CDC25C: variants seen among roughly 807,000 people sequenced by gnomAD.
CDC25C encodes the protein cell division cycle 25C.
Under a neutral mutation model 52.5 loss-of-function variants are expected in CDC25C, and 48 were observed. The observed-to-expected ratio is 0.91, with a 90% CI of 0.72 to 1.16. CDC25C has a LOEUF of 1.16. Ranked by LOEUF, CDC25C falls within the 50% of genes most tolerant of loss-of-function variation. The pLI, the probability that CDC25C is intolerant of heterozygous loss-of-function variation, is 0.00. For missense variants in CDC25C, 510 were observed against 566.1 expected, an observed-to-expected ratio of 0.90 and a Z score of 1.01; for synonymous variants, 187 against 206.5, an observed-to-expected ratio of 0.91 and a Z score of 0.81.
chr5:138,286,200 C>T (rs991453429), intron 12 of CDC25C, 67 bp from the exon 13 acceptor site: 1 of 1,230,358 alleles, frequency 8.1e-7, no homozygotes. Context: ...GGGCCATTCA[C>T]TGGGGAGGGG....
intron 2 of CDC25C, 23 bp from the exon 3 acceptor site, chr5:138,329,670 C>T (rs200325444): frequency 3.9e-6 from 5 of 1,287,884 alleles, no homozygotes; most frequent in African/African-American, 1.5e-5. Flanking sequence ...AATAGTACAT[C>T]GAAATTCCCA....
At chr5:138,322,997 C>CT (rs1249283966) in intron 6 of CDC25C, among the ~76,000 whole-genome samples, 1 of 151,514 alleles carries the variant, frequency 6.6e-6, no homozygotes, top group Non-Finnish European at 1.5e-5. Context: ...TGTCCATTCA[C>CT]TGCACTGGAG....
chr5:138,334,368 CT>C (rs989312345), upstream of CDC25C, among the ~76,000 whole-genome samples: 65 of 147,982 alleles, frequency 4.4e-4, no homozygotes, highest in South Asian at 1.1e-3. Context: ...AACAAAAAAA[CT>C]TTTTTTTTTT....
chr5:138,286,540 T>C lies in CDC25C; in HGVS notation c.1117A>G (p.Ile373Val), dbSNP rs368247596. 3.7e-6 allele frequency: 6 copies of C among 1,613,902 alleles called. No individual in the cohort carries two copies. In the African/African-American group the frequency reaches 6.7e-5, roughly 18 times the overall value. ...VPLDTQKRII[I>V]VFHCEFSSER... is the part of the protein sequence containing the mutation. ...GAGGAGAATTCACAGTGGAACACGATGATTATTCTCTTCTGGGTGTCCAAA... is the reference window on the plus strand; with the variant it reads ...GAGGAGAATTCACAGTGGAACACGACGATTATTCTCTTCTGGGTGTCCAAA... Residue 373 changes from isoleucine to valine, a missense_variant, in exon 12 of 14, where the codon ATC (isoleucine) becomes GTC (valine). Transcript: ENST00000323760.
At chr5:138,294,274 C>A (rs1269513037) in intron 7 of CDC25C, among the ~76,000 whole-genome samples, 1 of 151,584 alleles carries the variant, frequency 6.6e-6, no homozygotes, top group Admixed American at 6.6e-5. Context: ...TCATTGCAAC[C>A]TCTACCTCCC....
intron 7 of CDC25C, among the ~76,000 whole-genome samples, chr5:138,318,923 G>A (rs1759119013): frequency 6.6e-6 from 1 of 152,108 alleles, no homozygotes; most frequent in Admixed American, 6.6e-5. Flanking sequence ...TCAACCACAA[G>A]CAATCAACTG....
upstream of CDC25C, chr5:138,332,092 A>G (rs1760442419): frequency 6.1e-6 from 1 of 162,682 alleles, no homozygotes; most frequent in Non-Finnish European, 1.3e-5. Context: ...CCCTCTCACC[A>G]ATCTCCACAC....
chr5:138,315,675 T>C (rs1449228327), intron 7 of CDC25C, among the ~76,000 whole-genome samples: 3 of 152,232 alleles, frequency 2.0e-5, no homozygotes, highest in African/African-American at 7.2e-5. Flanking sequence ...GGTAGTTGTT[T>C]TATCATGCTC....
At chr5:138,335,875 TAATTA>T (rs1255165580), upstream of CDC25C, among the ~76,000 whole-genome samples, 7 of 151,456 alleles carry the variant, frequency 4.6e-5, no homozygotes, top group Admixed American at 6.6e-5. Flanking sequence ...TAATTCATAA[TAATTA>T]AATTATTAAT....
chr5:138,332,926 C>G (rs1760498966), upstream of CDC25C, among the ~76,000 whole-genome samples: 1 of 152,136 alleles, frequency 6.6e-6, no homozygotes, highest in Non-Finnish European at 1.5e-5. Flanking sequence ...AAGATTGACC[C>G]TGACTGTTGA....
chr5:138,291,931 TAGA>T, intron 8 of CDC25C, 36 bp downstream of exon 8: 2 of 1,566,404 alleles, frequency 1.3e-6, no homozygotes, highest in Non-Finnish European at 1.7e-6. Context: ...AGACATGAGA[TAGA>T]AGATGAACAA....
In CDC25C at chr5:138,329,659, T is replaced by C; in HGVS notation, c.195-12A>G. The C allele has an allele frequency of 1.4e-6, 2 of 1,449,294 alleles. No homozygotes were observed. The highest frequency in any genetic ancestry group is 1.9e-6 in the Non-Finnish European group (2 of 1,035,500). 89.8% of individuals were successfully genotyped at this position (1,449,294 alleles called of 1,614,324 possible). A position where few individuals can be genotyped will look rare whatever the true frequency, so the allele number is the denominator to read the frequency against. On this transcript the variant is annotated splice_polypyrimidine_tract_variant and intron_variant, in intron 2 of 13. Transcript: ENST00000323760. The stretch of plus-strand genomic sequence containing the variant: ...GTTTTGGGGTTCCTCTGTTGAGACA[T>C]AATAGTACATCGAAATTCCCATTAG...
chr5:138,289,665 CCA>C (rs1394094961), intron 9 of CDC25C, 102 bp from the exon 10 acceptor site: 1 of 865,868 alleles, frequency 1.2e-6, no homozygotes. Context: ...CCTTAAAACC[CCA>C]GAGGCCTTCA....
At chr5:138,316,641 T>C (rs1208368611) in intron 7 of CDC25C, among the ~76,000 whole-genome samples, 1 of 151,882 alleles carries the variant, frequency 6.6e-6, no homozygotes, top group East Asian at 1.9e-4. Flanking sequence ...CCCTCTGAGG[T>C]CCATAAAAGG....
chr5:138,286,183 A>T (rs909983330), intron 12 of CDC25C, 50 bp from the exon 13 acceptor site: 8 of 1,406,708 alleles, frequency 5.7e-6, no homozygotes, highest in Non-Finnish European at 8.0e-6. Context: ...CAAGGTCAGG[A>T]TCCCAGGGGC....
In CDC25C at chr5:138,318,171, T is replaced by C. The variant is rs11567979; in HGVS notation, c.615+1048A>G. 7.9e-4 allele frequency among the ~76,000 whole-genome samples: 119 copies of C among 151,122 alleles called. 1 individual carries two copies. Among genetic ancestry groups the C allele is most frequent in the African/African-American group, 2.7e-3 (111 of 41,140 alleles). The stretch of plus-strand genomic sequence containing the variant: ...TGGCAAAACCCCGTCTCTACTAAAA[T>C]TACAAAAAATTAGCCAGGCATGATG... On this transcript the variant is annotated intron_variant, in intron 7 of 13. Coordinates refer to ENST00000323760, the MANE Select transcript of CDC25C (RefSeq NM_001790.5).
chr5:138,334,265 C>T (rs184567025), upstream of CDC25C, among the ~76,000 whole-genome samples: 51 of 151,778 alleles, frequency 3.4e-4, no homozygotes, highest in East Asian at 9.8e-4. Flanking sequence ...TGCAGTGGTG[C>T]GCCTGTAGTC....
At chr5:138,287,618 C>T (rs1475603671) in intron 10 of CDC25C, among the ~76,000 whole-genome samples, 1 of 152,108 alleles carries the variant, frequency 6.6e-6, no homozygotes, top group Non-Finnish European at 1.5e-5. Context: ...GGAAGAAATG[C>T]AAAATGGTTC....
rs1235817447 is a variant in CDC25C, at chr5:138,329,427, C to CA, written c.289+125dup. On this transcript the variant is annotated intron_variant, in intron 3 of 13. Coordinates refer to ENST00000323760, the MANE Select transcript of CDC25C (RefSeq NM_001790.5). ...TTCTCAAAAATCCTCTAGTTACCCA[C>CA]AAAATTCCATCTCTCTAGGCAGATT... The CA allele has an allele frequency of 4.7e-6, 3 of 636,598 alleles. No homozygotes were observed. In the African/African-American group the frequency reaches 5.6e-5, roughly 12 times the overall value. The allele number at this position is 636,598 out of a possible 1,614,324, so 39.4% of individuals were successfully genotyped here.
Sources: allele counts gnomAD v4.1 joint callset (sites outside exome capture counted in the v4.1 genomes callset), GRCh38; gene constraint gnomAD v4.1.1; transcripts MANE v1.5; gene names NCBI Gene and HGNC (gene_info 2026-07-23, HGNC 2026-07-21).